Variants in FAM227B observed in about 807,000 individuals in gnomAD.
The protein encoded by FAM227B is family with sequence similarity 227 member B.
Under a neutral mutation model 73.8 loss-of-function variants are expected in FAM227B, and 88 were observed. The observed-to-expected ratio is 1.19, with a 90% CI of 1.00 to 1.42. FAM227B has a LOEUF of 1.42. Among genes scored for constraint, FAM227B ranks in the 40% most tolerant of loss-of-function variants. FAM227B has a pLI of 0.00. For synonymous variants in FAM227B, 210 were observed against 190.5 expected, an observed-to-expected ratio of 1.10 and a Z score of -0.84; for missense variants, 632 against 590.9, an observed-to-expected ratio of 1.07 and a Z score of -0.72.
intron 9 of FAM227B, among the ~76,000 whole-genome samples, chr15:49,558,120 C>CGG (rs879858046): frequency 0.33 from 49,531 of 151,754 alleles, 8,816 homozygotes; most frequent in African/African-American, 0.46. Context: ...GCTCCTAATG[C>CGG]CTAATGCCCC....
chr15:49,589,320 T>G (rs1200781357), intron 4 of FAM227B, among the ~76,000 whole-genome samples: 4 of 152,050 alleles, frequency 2.6e-5, no homozygotes, highest in Non-Finnish European at 5.9e-5. Flanking sequence ...GTTGATGCAA[T>G]CTTGCTCTCC....
At chr15:49,378,628 T>G (rs1210613418) in intron 11 of FAM227B, among the ~76,000 whole-genome samples, 1 of 152,194 alleles carries the variant, frequency 6.6e-6, no homozygotes, top group Non-Finnish European at 1.5e-5. Flanking sequence ...CATATAGATG[T>G]GCTACTGATT....
At chr15:49,397,366 G>A (rs1263684553) in intron 11 of FAM227B, among the ~76,000 whole-genome samples, 1 of 152,130 alleles carries the variant, frequency 6.6e-6, no homozygotes, top group Non-Finnish European at 1.5e-5. Context: ...CCAAATCTAC[G>A]TCTGACTGGT....
At chr15:49,545,614 G>C (rs754277612) in intron 9 of FAM227B, among the ~76,000 whole-genome samples, 11 of 152,046 alleles carry the variant, frequency 7.2e-5, no homozygotes, top group Non-Finnish European at 1.2e-4. Flanking sequence ...TAGGCTTTTT[G>C]ATATAGACAT....
At chr15:49,423,527 A>G (rs1176011824) in intron 11 of FAM227B, 1 of 152,144 alleles carries the variant, frequency 6.6e-6, no homozygotes, top group African/African-American at 2.4e-5. Flanking sequence ...CTGAGCAGGA[A>G]AGTAAAGTTA....
intron 11 of FAM227B, among the ~76,000 whole-genome samples, chr15:49,502,595 C>G (rs1218042790): frequency 6.6e-6 from 1 of 152,148 alleles, no homozygotes; most frequent in Admixed American, 6.5e-5. Context: ...TGTTTTTGAC[C>G]TTACAGGCTC....
intron 11 of FAM227B, among the ~76,000 whole-genome samples, chr15:49,497,642 C>A (rs530481990): frequency 6.6e-6 from 1 of 152,190 alleles, no homozygotes; most frequent in African/African-American, 2.4e-5. Flanking sequence ...TTTGAACAAA[C>A]TTCTTTCTTA....
chr15:49,349,676 A>G (rs566595436), intron 13 of FAM227B, among the ~76,000 whole-genome samples: 7 of 152,266 alleles, frequency 4.6e-5, no homozygotes, highest in Non-Finnish European at 1.0e-4. Context: ...AAATATTCTA[A>G]CTGTAAAAAG....
At chr15:49,434,445 A>C (rs1243483356) in intron 11 of FAM227B, 5 of 151,550 alleles carry the variant, frequency 3.3e-5, no homozygotes, top group African/African-American at 7.3e-5. Context: ...GGCACATCGC[A>C]GGTTGTCAAA....
chr15:49,477,061 A>G (rs1316813754), intron 11 of FAM227B, among the ~76,000 whole-genome samples: 1 of 65,702 alleles, frequency 1.5e-5, no homozygotes, highest in African/African-American at 9.4e-5. Flanking sequence ...CTCTGTCTCG[A>G]AAAAAAAAAA....
At chr15:49,469,969 G>T (rs1567338447) in intron 11 of FAM227B, among the ~76,000 whole-genome samples, 1 of 152,110 alleles carries the variant, frequency 6.6e-6, no homozygotes, top group East Asian at 1.9e-4. Context: ...AGAGTTTAAT[G>T]ATTCCATCTT....
intron 11 of FAM227B, among the ~76,000 whole-genome samples, chr15:49,434,059 C>A (rs555478299): frequency 2.0e-5 from 3 of 151,572 alleles, no homozygotes; most frequent in Admixed American, 6.6e-5. Flanking sequence ...GGGGAGAAGT[C>A]AAGAAAGTTG....
At chr15:49,433,990 C>G (rs1433702675) in intron 11 of FAM227B, among the ~76,000 whole-genome samples, 3 of 151,622 alleles carry the variant, frequency 2.0e-5, no homozygotes, top group Non-Finnish European at 3.0e-5. Flanking sequence ...AATATTGATC[C>G]TGGAGTTGGT....
intron 11 of FAM227B, among the ~76,000 whole-genome samples, chr15:49,374,239 C>T (rs962464202): frequency 1.3e-5 from 2 of 152,058 alleles, no homozygotes; most frequent in South Asian, 2.1e-4. Context: ...ATTTTACAGT[C>T]GACTTTTAAA....
intron 11 of FAM227B, among the ~76,000 whole-genome samples, chr15:49,387,079 T>C (rs1276749442): frequency 6.6e-6 from 1 of 151,864 alleles, no homozygotes; most frequent in Non-Finnish European, 1.5e-5. Flanking sequence ...AAAGAATTGG[T>C]ACTAATCCTA....
At chr15:49,416,796 CACAA>C (rs1002866749) in intron 11 of FAM227B, among the ~76,000 whole-genome samples, 2 of 146,220 alleles carry the variant, frequency 1.4e-5, no homozygotes, top group African/African-American at 5.0e-5. Flanking sequence ...CACACACACA[CACAA>C]ACACACAAAT....
intron 11 of FAM227B, among the ~76,000 whole-genome samples, chr15:49,399,160 AG>A: frequency 6.8e-6 from 1 of 147,226 alleles, no homozygotes; most frequent in Non-Finnish European, 1.5e-5. Context: ...AAAATGATAA[AG>A]GGGATATCAC....
At chr15:49,449,660 A>T (rs2052541302) in intron 11 of FAM227B, among the ~76,000 whole-genome samples, 1 of 152,004 alleles carries the variant, frequency 6.6e-6, no homozygotes, top group Non-Finnish European at 1.5e-5. Context: ...GGCTCATCTT[A>T]AGCTTGTCCA....
intron 11 of FAM227B, among the ~76,000 whole-genome samples, chr15:49,448,584 T>C (rs2052434700): frequency 6.6e-6 from 1 of 151,778 alleles, no homozygotes; most frequent in African/African-American, 2.4e-5. Flanking sequence ...AATAGTTATA[T>C]TTCTGGTTAT....
Sources: gnomAD v4.1 joint callset for allele counts (sites outside exome capture counted in the v4.1 genomes callset) on GRCh38, gnomAD v4.1.1 for gene constraint, MANE v1.5 for transcripts, NCBI Gene and HGNC (gene_info 2026-07-23, HGNC 2026-07-21) for gene names.